ERG: variants seen among roughly 807,000 people sequenced by gnomAD.
ERG encodes the protein ETS transcription factor ERG, also known as transcriptional regulator ERG.
In ERG, 9 loss-of-function variants were observed where a neutral mutation model predicts 55.3. The observed-to-expected ratio is 0.16, with a 90% CI of 0.10 to 0.28. ERG has a LOEUF of 0.28. Among genes scored for constraint, ERG ranks in the 10% least tolerant of loss-of-function variants. ERG has a pLI of 1.00. For missense variants in ERG, 434 were observed against 631.6 expected (o/e 0.69, Z 3.35); for synonymous variants, 223 against 237.3 (o/e 0.94, Z 0.55).
chr21:38,406,077 C>T (rs1487989897), intron 3 of ERG, among the ~76,000 whole-genome samples: 1 of 147,414 alleles, frequency 6.8e-6, no homozygotes, highest in Non-Finnish European at 1.5e-5. Context: ...ATGGCATGAA[C>T]CCGGGAGGTG....
In ERG at chr21:38,381,243, G is replaced by A. The variant is rs551947724; in HGVS notation, c.*2160C>T. 1.1e-5 allele frequency: 12 copies of A among 1,065,252 alleles called. No individual in the cohort carries two copies. Among genetic ancestry groups the A allele is most frequent in the Non-Finnish European group, 1.4e-5 (12 of 879,332 alleles). 66.0% of individuals were successfully genotyped at this position (1,065,252 alleles called of 1,614,324 possible). ...ACAGGCCCTGAAACAGCTATGAAAA[G>A]GGCCAGTTCAGAAACCTATTCAGCT... is the stretch of plus-strand genomic sequence containing the variant. On this transcript the variant is annotated 3_prime_UTR_variant, in exon 10 of 10. Transcript: ENST00000288319.
At position 38,640,177 on chromosome 21, in the gene ERG, A is replaced by C. The variant is rs186126825; in HGVS notation, c.-150+21481T>G. Among the ~76,000 whole-genome samples the C allele has an allele frequency of 4.1e-4, 62 of 152,334 alleles. No homozygotes were observed. The Middle Eastern group carries it at 0.024, about 58-fold the overall frequency. On this transcript the variant is annotated intron_variant, in intron 1 of 10. Transcript: ENST00000398910. ...GAAAATCATTGAAAATCAATGAAAA[A>C]TCAATTGAAAATCAATGAAAAGTTA...
chr21:38,428,434 C>A (rs540125806), intron 2 of ERG, among the ~76,000 whole-genome samples: 3 of 152,248 alleles, frequency 2.0e-5, no homozygotes, highest in African/African-American at 7.2e-5. Context: ...AAGCGCTGCC[C>A]AGCATAGAGG....
intron 2 of ERG, among the ~76,000 whole-genome samples, chr21:38,525,595 T>C (rs371946956): frequency 6.6e-6 from 1 of 152,138 alleles, no homozygotes; most frequent in Non-Finnish European, 1.5e-5. Flanking sequence ...CTCTACCTCA[T>C]CCCCCACCCA....
rs373365689 is a variant in ERG at position 38,426,920 on chromosome 21, G to T, written c.237-3359C>A. On this transcript the variant is annotated intron_variant, in intron 2 of 9. Coordinates refer to ENST00000288319, the MANE Select transcript of ERG (RefSeq NM_182918.4). ...ACCCCAGCCTGGGCAACAAGAGCAAGACTCCATGTCAAAAAAAAAAAGAAT... is the reference window on the plus strand; with the variant it reads ...ACCCCAGCCTGGGCAACAAGAGCAATACTCCATGTCAAAAAAAAAAAGAAT... 4.4e-3 allele frequency among the ~76,000 whole-genome samples: 487 copies of T among 111,254 alleles called. 1 individual carries two copies. The highest frequency in any genetic ancestry group is 0.016 in the African/African-American group (452 of 28,586). 73.0% of individuals were successfully genotyped at this position (111,254 alleles called of 152,430 possible).
chr21:38,381,844 G>C lies in ERG; in HGVS notation c.*1559C>G. 1.9e-6 allele frequency: 2 copies of C among 1,063,772 alleles called. No individual in the cohort carries two copies. The highest frequency in any genetic ancestry group is 2.3e-6 in the Non-Finnish European group (2 of 878,302). 65.9% of individuals were successfully genotyped at this position (1,063,772 alleles called of 1,614,324 possible). On this transcript the variant is annotated 3_prime_UTR_variant, in exon 10 of 10. Coordinates refer to ENST00000288319, the MANE Select transcript of ERG (RefSeq NM_182918.4). ...GGGCTAGAAATAAAAGACAGGAGGG[G>C]AGGCAAGAAGGACCTGGAGAGGCTG...
In ERG at chr21:38,571,613, A is replaced by G. The variant is rs1445609114; in HGVS notation, c.-41+4049T>C. On this transcript the variant is annotated intron_variant, in intron 2 of 8. Coordinates refer to the ERG transcript ENST00000398897. ...AATCAAATTATGCTTCAAGACAGTC[A>G]CTATTATCACTGACAGAGAAGCAGC... is the stretch of plus-strand genomic sequence containing the variant. Among the ~76,000 whole-genome samples, 5 of 152,234 alleles carry G rather than the reference A, an allele frequency of 3.3e-5. No homozygotes were observed. The East Asian group carries it at 9.6e-4, about 29-fold the overall frequency.
rs145670035 is a variant in ERG at position 38,466,300 on chromosome 21, G to GGTGTGTGTGTGTGTGTGTGTGT, written c.19-20701_19-20680dup. ...CAGTTTAGGCTGTCTGATGGTCTGGGGTGTGTGTGTGTGTGTGTGTGTGTG... is the reference window on the plus strand; with the variant it reads ...CAGTTTAGGCTGTCTGATGGTCTGGGGTGTGTGTGTGTGTGTGTGTGTGTGTGTGTGTGTGTGTGTGTGTGTG... On this transcript the variant is annotated intron_variant, in intron 1 of 9. Transcript: ENST00000288319. 6.3e-4 allele frequency among the ~76,000 whole-genome samples: 88 copies of GGTGTGTGTGTGTGTGTGTGTGT among 140,682 alleles called. 1 individual carries two copies. The highest frequency in any genetic ancestry group is 2.0e-3 in the African/African-American group (77 of 37,814). 92.3% of individuals were successfully genotyped at this position (140,682 alleles called of 152,430 possible). A position where few individuals can be genotyped will look rare whatever the true frequency, so the allele number is the denominator to read the frequency against.
At chr21:38,464,002 TC>T (rs2059066708) in intron 1 of ERG, among the ~76,000 whole-genome samples, 1 of 152,144 alleles carries the variant, frequency 6.6e-6, no homozygotes, top group Admixed American at 6.5e-5. Flanking sequence ...CAGGATTTTC[TC>T]CATTGATTCC....
chr21:38,661,321 G>A (rs1385705934), intron 1 of ERG, among the ~76,000 whole-genome samples: 2 of 152,232 alleles, frequency 1.3e-5, no homozygotes, highest in African/African-American at 4.8e-5. Flanking sequence ...GCGACACTAA[G>A]ACGTTTATAA....
At chr21:38,418,327 T>C (rs1434388296) in intron 3 of ERG, among the ~76,000 whole-genome samples, 1 of 145,590 alleles carries the variant, frequency 6.9e-6, no homozygotes, top group African/African-American at 2.6e-5. Context: ...CACTCTGGCT[T>C]CCTGGTGGGA....
At chr21:38,378,184 CAG>C (rs749568247), downstream of ERG, among the ~76,000 whole-genome samples, 3 of 152,214 alleles carry the variant, frequency 2.0e-5, no homozygotes, top group Non-Finnish European at 4.4e-5. Context: ...TCACTGATTT[CAG>C]ACTCTCACCC....
chr21:38,456,921 A>G (rs2410030), intron 1 of ERG, among the ~76,000 whole-genome samples: 139,923 of 152,266 alleles, frequency 0.92, 64,330 homozygotes, highest in South Asian at 0.98. Context: ...GACATAGATG[A>G]GCACTGGGTA....
chr21:38,573,629 C>T (rs1041316537), intron 2 of ERG, among the ~76,000 whole-genome samples: 2 of 152,210 alleles, frequency 1.3e-5, no homozygotes, highest in Admixed American at 1.3e-4. Context: ...ATGTTTTTTG[C>T]TGACCTTCTC....
Position 38,460,174 on chromosome 21 carries a change from G to C in ERG, c.19-14553C>G, listed in dbSNP as rs996632479. ...CCAGAGTGGACTGCGGGGGCTGCAC[G>C]AGGAACAATGGGACCAAGAACAGCC... On this transcript the variant is annotated intron_variant, in intron 1 of 9. Transcript: ENST00000288319. The surrounding 1 kb of genome is among the most constrained non-coding windows in gnomAD (Gnocchi z 5.0). Among the ~76,000 whole-genome samples, 7 of 152,142 alleles carry C rather than the reference G, an allele frequency of 4.6e-5. No homozygotes were observed. The highest frequency in any genetic ancestry group is 8.8e-5 in the Non-Finnish European group (6 of 68,038).
chr21:38,566,944 C>A (rs182704472), intron 2 of ERG, among the ~76,000 whole-genome samples: 5 of 152,306 alleles, frequency 3.3e-5, no homozygotes, highest in African/African-American at 1.2e-4. Flanking sequence ...GCTAACCATG[C>A]GCAACTTCCA....
At chr21:38,489,832 T>C (rs954708627) in intron 1 of ERG, among the ~76,000 whole-genome samples, 1 of 152,208 alleles carries the variant, frequency 6.6e-6, no homozygotes, top group African/African-American at 2.4e-5. Context: ...TTGGAATGAA[T>C]AAAAACAGGT....
At chr21:38,605,881 A>T (rs777227944) in intron 1 of ERG, among the ~76,000 whole-genome samples, 33 of 152,198 alleles carry the variant, frequency 2.2e-4, no homozygotes, top group Non-Finnish European at 4.0e-4. Flanking sequence ...TAGATAAATG[A>T]TAGATAGATA....
intron 2 of ERG, among the ~76,000 whole-genome samples, chr21:38,431,871 C>T (rs56109010): frequency 0.24 from 36,167 of 152,098 alleles, 4,425 homozygotes; most frequent in South Asian, 0.31. Flanking sequence ...CAGAGCAGGA[C>T]GCTCCCTGCA....
Sources: allele counts gnomAD v4.1 joint callset (sites outside exome capture counted in the v4.1 genomes callset), GRCh38; gene constraint gnomAD v4.1.1; non-coding constraint Gnocchi (gnomAD v3.1); transcripts MANE v1.5; gene names NCBI Gene and HGNC (gene_info 2026-07-23, HGNC 2026-07-21).